Variants in ATIC observed in about 807,000 individuals in gnomAD.
ATIC encodes 5-aminoimidazole-4-carboxamide ribonucleotide formyltransferase/IMP cyclohydrolase.
A neutral mutation model predicts 72.5 loss-of-function variants in ATIC; 64 were observed. The observed-to-expected ratio is 0.88, with a 90% CI of 0.72 to 1.09. The LOEUF (loss-of-function observed/expected upper bound fraction) is 1.09. Among genes scored for constraint, ATIC ranks in the 50% least tolerant of loss-of-function variants. The pLI is 0.00. For missense variants in ATIC, 787 were observed against 732.4 expected (o/e 1.07, Z -0.86); for synonymous variants, 281 against 267.1 (o/e 1.05, Z -0.51).
chr2:215,337,372 T>C (rs936558789), intron 11 of ATIC, among the ~76,000 whole-genome samples: 1 of 152,160 alleles, frequency 6.6e-6, no homozygotes, highest in African/African-American at 2.4e-5. Context: ...TTAAAGTTAA[T>C]ACTTATTTTT....
At chr2:215,342,539 C>T (rs528980356) in intron 12 of ATIC, among the ~76,000 whole-genome samples, 3 of 152,268 alleles carry the variant, frequency 2.0e-5, no homozygotes, top group East Asian at 1.9e-4. Flanking sequence ...AGTGATCCCT[C>T]ATGTTCTTCT....
At chr2:215,347,186 G>C (rs1369842871) in intron 14 of ATIC, 1 of 514,774 alleles carries the variant, frequency 1.9e-6, no homozygotes, top group African/African-American at 1.9e-5. Flanking sequence ...TTGCAGCCTT[G>C]GTGTAGGTTT....
In ATIC at chr2:215,349,666, C is replaced by T; in HGVS notation, c.*11C>T. On this transcript the variant is annotated 3_prime_UTR_variant, in exon 16 of 16. Coordinates refer to ENST00000236959, the MANE Select transcript of ATIC (RefSeq NM_004044.7). ...CTCTTCCACCACTGATTTTACCACA[C>T]ACTGTTTTTTGGCTTGCTTATGTGT... 6.2e-7 allele frequency: 1 copy of T among 1,614,210 alleles called. No homozygotes were observed. Among genetic ancestry groups the T allele is most frequent in the Non-Finnish European group, 8.5e-7 (1 of 1,180,046 alleles).
intron 2 of ATIC, among the ~76,000 whole-genome samples, chr2:215,315,224 A>G (rs896010852): frequency 2.6e-5 from 4 of 152,210 alleles, no homozygotes; most frequent in African/African-American, 9.6e-5. Context: ...AGTTAGAATC[A>G]TAAGTTTAAA....
intron 12 of ATIC, among the ~76,000 whole-genome samples, chr2:215,343,681 G>A (rs763370324): frequency 6.6e-6 from 1 of 152,102 alleles, no homozygotes; most frequent in Non-Finnish European, 1.5e-5. Flanking sequence ...GTGCTAGTTT[G>A]TTGTTGGATA....
intron 7 of ATIC, among the ~76,000 whole-genome samples, chr2:215,327,455 C>G (rs2052841707): frequency 6.6e-6 from 1 of 152,000 alleles, no homozygotes; most frequent in African/African-American, 2.4e-5. Context: ...TTGAAGTAGG[C>G]CAAAGCAGAA....
intron 7 of ATIC, among the ~76,000 whole-genome samples, chr2:215,329,785 CAG>C (rs905370617): frequency 6.6e-6 from 1 of 151,260 alleles, no homozygotes; most frequent in Admixed American, 6.6e-5. Flanking sequence ...TTTTTTGAGG[CAG>C]AGTCTTGCTC....
Position 215,312,119 on chromosome 2 carries a change from G to T in ATIC, c.-24G>T, listed in dbSNP as rs768601017. ...GTGCCGCCGCTGCTGCCTCCCGCTC[G>T]CCCTGAACCCAGTGCCTGCAGCCAT... On this transcript the variant is annotated 5_prime_UTR_variant, in exon 1 of 16. Coordinates refer to ENST00000236959, the MANE Select transcript of ATIC (RefSeq NM_004044.7). The T allele has an allele frequency of 3.9e-5, 59 of 1,530,120 alleles. No individual in the cohort carries two copies. The highest frequency in any genetic ancestry group is 4.8e-5 in the Non-Finnish European group (55 of 1,144,902). The allele number at this position is 1,530,120 out of a possible 1,614,324, so 94.8% of individuals were successfully genotyped here.
intron 7 of ATIC, among the ~76,000 whole-genome samples, chr2:215,329,695 A>G (rs1200889087): frequency 6.6e-6 from 1 of 152,196 alleles, no homozygotes; most frequent in African/African-American, 2.4e-5. Flanking sequence ...AGCAACTTTC[A>G]GCATTTCTCT....
intron 11 of ATIC, 124 bp downstream of exon 11, chr2:215,336,248 C>CA: frequency 1.3e-6 from 1 of 784,654 alleles, no homozygotes; most frequent in Admixed American, 2.3e-5. Flanking sequence ...TTATTTTCCC[C>CA]AATCCTGCAT....
At chr2:215,365,493 G>C in the ATIC span, 110,452 of 1,612,908 alleles carry the variant, frequency 0.068, 4,259 homozygotes, top group Middle Eastern at 0.09. Flanking sequence ...AAAATGATCT[G>C]TGATGACATA....
At chr2:215,352,209 G>A (rs1575128923), downstream of ATIC, among the ~76,000 whole-genome samples, 1 of 152,136 alleles carries the variant, frequency 6.6e-6, no homozygotes, top group African/African-American at 2.4e-5. Context: ...TGTAATAAAT[G>A]TACCATGCTA....
At chr2:215,331,095 A>G (rs560411446) in intron 7 of ATIC, among the ~76,000 whole-genome samples, 1 of 152,318 alleles carries the variant, frequency 6.6e-6, no homozygotes, top group Admixed American at 6.5e-5. Context: ...CAAAATTGCT[A>G]TAATCATTTG....
chr2:215,313,014 T>C (rs1379597369), intron 2 of ATIC, among the ~76,000 whole-genome samples: 2 of 150,312 alleles, frequency 1.3e-5, no homozygotes, highest in African/African-American at 2.4e-5. Flanking sequence ...GGAGAATCGC[T>C]TGAACCTAGG....
At chr2:215,327,541 G>A (rs1006864136) in intron 7 of ATIC, among the ~76,000 whole-genome samples, 1 of 152,206 alleles carries the variant, frequency 6.6e-6, no homozygotes, top group African/African-American at 2.4e-5. Flanking sequence ...GGTTTGTAGA[G>A]TTTAGAGAGG....
intron 9 of ATIC, 149 bp from the exon 10 acceptor site, chr2:215,334,770 G>C (rs2052937015): frequency 1.5e-6 from 1 of 667,836 alleles, no homozygotes; most frequent in East Asian, 3.0e-5. Flanking sequence ...GGTTACTTCA[G>C]TTAAATGACT....
intron 4 of ATIC, among the ~76,000 whole-genome samples, chr2:215,324,679 T>A (rs980401983): frequency 2.0e-5 from 3 of 152,328 alleles, no homozygotes; most frequent in East Asian, 3.9e-4. Context: ...CTTCACTGAT[T>A]GTTAATTTTA....
At chr2:215,344,902 G>A in intron 13 of ATIC, 31 bp downstream of exon 13, 3 of 1,592,648 alleles carry the variant, frequency 1.9e-6, no homozygotes, top group Non-Finnish European at 2.6e-6. Context: ...GCCTTCGGGG[G>A]ACTGTTGTTT....
At chr2:215,368,091 G>A in the ATIC span, 7 of 1,529,174 alleles carry the variant, frequency 4.6e-6, no homozygotes, top group Non-Finnish European at 6.3e-6. Flanking sequence ...ACCATAAGAA[G>A]AAAATCGAAT....
Sources: allele counts gnomAD v4.1 joint callset (sites outside exome capture counted in the v4.1 genomes callset), GRCh38; gene constraint gnomAD v4.1.1; transcripts MANE v1.5; gene names NCBI Gene and HGNC (gene_info 2026-07-23, HGNC 2026-07-21).